SYT1: variants seen among roughly 807,000 people sequenced by gnomAD.
The protein encoded by SYT1 is synaptotagmin 1, also known as synaptotagmin-1.
Under a neutral mutation model 44.8 loss-of-function variants are expected in SYT1, and 8 were observed. The ratio of observed to expected loss-of-function variants is 0.18; its 90% CI spans 0.10 to 0.32. The LOEUF is 0.32. SYT1 is among the 10% of genes least tolerant of loss of function. The pLI is 1.00. For missense variants in SYT1, 286 were observed against 509.3 expected, an observed-to-expected ratio of 0.56 and a Z score of 4.22; for synonymous variants, 154 against 188.8, an observed-to-expected ratio of 0.82 and a Z score of 1.51.
intron 8 of SYT1, among the ~76,000 whole-genome samples, chr12:79,353,181 T>C (rs991398624): frequency 5.9e-5 from 9 of 152,198 alleles, no homozygotes; most frequent in South Asian, 2.1e-4. Context: ...AGTTTTGCAG[T>C]GCTATTCAGA....
rs148505462 is a variant in SYT1, at chr12:79,036,285, G to T, written c.-83-11012G>T. Among the ~76,000 whole-genome samples the T allele has an allele frequency of 1.4e-3, 214 of 151,808 alleles. 1 individual carries two copies. The highest frequency in any genetic ancestry group is 4.9e-3 in the African/African-American group (205 of 41,456). On this transcript the variant is annotated intron_variant, in intron 2 of 10. Coordinates refer to ENST00000261205, the MANE Select transcript of SYT1 (RefSeq NM_005639.3). ...CAGAATGTAAGTACCTGACAAGCTT[G>T]TAGGAAAAAAAATACCTAAGGAAGC...
At chr12:79,312,254 T>G (rs564057828) in intron 8 of SYT1, among the ~76,000 whole-genome samples, 1 of 152,246 alleles carries the variant, frequency 6.6e-6, no homozygotes, top group Admixed American at 6.5e-5. Flanking sequence ...TACTGGAAAT[T>G]TATTGGACTT....
At chr12:78,963,464 C>CA (rs955601128) in intron 1 of SYT1, among the ~76,000 whole-genome samples, 49 of 151,130 alleles carry the variant, frequency 3.2e-4, no homozygotes, top group Admixed American at 5.3e-4. Context: ...AAATCAATAG[C>CA]AAAAAAAACA....
chr12:79,340,427 T>C (rs1738165226), intron 8 of SYT1, among the ~76,000 whole-genome samples: 1 of 152,106 alleles, frequency 6.6e-6, no homozygotes, highest in African/African-American at 2.4e-5. Flanking sequence ...TTTCTCTTTG[T>C]GGTAATTGTG....
At chr12:79,242,233 A>C in intron 4 of SYT1, among the ~76,000 whole-genome samples, 1 of 152,190 alleles carries the variant, frequency 6.6e-6, no homozygotes, top group Non-Finnish European at 1.5e-5. Context: ...TGCTGCAATG[A>C]CTTTACCATC....
chr12:79,422,526 C>T (rs538993227), intron 9 of SYT1, among the ~76,000 whole-genome samples: 1 of 151,442 alleles, frequency 6.6e-6, no homozygotes, highest in Admixed American at 6.6e-5. Flanking sequence ...TTCCCCAAAG[C>T]TATGGTTAAA....
chr12:78,926,317 A>G (rs1877301784), intron 1 of SYT1, among the ~76,000 whole-genome samples: 1 of 152,094 alleles, frequency 6.6e-6, no homozygotes, highest in Admixed American at 6.6e-5. Context: ...GAAATGTCTG[A>G]CATTGCTGCA....
At chr12:79,210,631 C>A (rs1367659649) in intron 3 of SYT1, among the ~76,000 whole-genome samples, 1 of 152,184 alleles carries the variant, frequency 6.6e-6, no homozygotes, top group Admixed American at 6.5e-5. Context: ...ACCGCAGTTT[C>A]TTTATCCACT....
intron 3 of SYT1, among the ~76,000 whole-genome samples, chr12:79,170,959 C>T (rs1871482675): frequency 1.3e-5 from 2 of 152,014 alleles, no homozygotes; most frequent in African/African-American, 2.4e-5. Flanking sequence ...GTCCTTTCCC[C>T]ATTGCTTGTT....
chr12:79,105,764 C>T (rs962082993), intron 3 of SYT1, among the ~76,000 whole-genome samples: 2 of 151,914 alleles, frequency 1.3e-5, no homozygotes, highest in Non-Finnish European at 2.9e-5. Context: ...CCTGTAGTCC[C>T]AGCTACTCGG....
At chr12:78,912,262 A>G in intron 1 of SYT1, among the ~76,000 whole-genome samples, 1 of 151,822 alleles carries the variant, frequency 6.6e-6, no homozygotes, top group East Asian at 1.9e-4. Flanking sequence ...CCTAATGTTT[A>G]TTCCGTACTG....
At chr12:78,880,959 A>C (rs1417300768) in intron 1 of SYT1, among the ~76,000 whole-genome samples, 1 of 151,620 alleles carries the variant, frequency 6.6e-6, no homozygotes, top group Non-Finnish European at 1.5e-5. Context: ...CACACTAATT[A>C]TTGTAAGAAA....
chr12:79,049,471 ACT>A lies in SYT1; in HGVS notation c.-18+2112_-18+2113del, dbSNP rs534512577. On this transcript the variant is annotated intron_variant, in intron 3 of 10. Transcript: ENST00000261205. ...ACTCATAAATTACATGCAAAAAAAG[ACT>A]CTTCTTATTATACTGTAATAAAAAG... 7.3e-5 allele frequency among the ~76,000 whole-genome samples: 11 copies of A among 151,096 alleles called. No individual in the cohort carries two copies. In the South Asian group the frequency reaches 1.9e-3, roughly 26 times the overall value.
chr12:79,269,187 C>A (rs1005254246), intron 4 of SYT1, among the ~76,000 whole-genome samples: 1 of 151,728 alleles, frequency 6.6e-6, no homozygotes, highest in Non-Finnish European at 1.5e-5. Context: ...TTACAGCAAT[C>A]CTGTGAGGCA....
At chr12:79,158,141 TTACAAGTAACTACATATG>T (rs1179707621) in intron 3 of SYT1, among the ~76,000 whole-genome samples, 1 of 152,062 alleles carries the variant, frequency 6.6e-6, no homozygotes, top group Non-Finnish European at 1.5e-5. Context: ...TATACATATG[TTACAAGTAACTACATATG>T]TACAAGTAAC....
At chr12:78,969,064 A>G (rs1221261617) in intron 1 of SYT1, among the ~76,000 whole-genome samples, 1 of 152,198 alleles carries the variant, frequency 6.6e-6, no homozygotes, top group East Asian at 1.9e-4. Context: ...TCAAAAATAT[A>G]TTTTTTAGAA....
chr12:78,979,909 T>C (rs1206145307), intron 2 of SYT1, among the ~76,000 whole-genome samples: 1 of 152,080 alleles, frequency 6.6e-6, no homozygotes, highest in African/African-American at 2.4e-5. Flanking sequence ...ATATTTTATA[T>C]ATCTAATAAA....
chr12:79,400,421 C>T (rs973126063), intron 9 of SYT1, among the ~76,000 whole-genome samples: 1 of 152,324 alleles, frequency 6.6e-6, no homozygotes, highest in Admixed American at 6.5e-5. Flanking sequence ...CTTCCTAGAA[C>T]TTCTGGCTTC....
intron 3 of SYT1, among the ~76,000 whole-genome samples, chr12:79,198,774 G>A (rs1873610580): frequency 6.6e-6 from 1 of 152,114 alleles, no homozygotes; most frequent in Admixed American, 6.6e-5. Flanking sequence ...TGTTCATGTG[G>A]GAAGAAATTG....
Sources: gnomAD v4.1 joint callset for allele counts (sites outside exome capture counted in the v4.1 genomes callset) on GRCh38, gnomAD v4.1.1 for gene constraint, MANE v1.5 for transcripts, NCBI Gene and HGNC (gene_info 2026-07-23, HGNC 2026-07-21) for gene names.